Variants in GAREM1 observed in about 807,000 individuals in gnomAD.
GAREM1 encodes the protein GRB2-associated and regulator of MAPK protein 1.
A neutral mutation model predicts 71.3 loss-of-function variants in GAREM1; 26 were observed. The observed-to-expected ratio is 0.36, with a 90% CI of 0.27 to 0.51. The LOEUF is 0.51. Among genes scored for constraint, GAREM1 ranks in the 20% least tolerant of loss-of-function variants. The pLI, the probability that GAREM1 is intolerant of heterozygous loss-of-function variation, is 0.95. For synonymous variants in GAREM1, 440 were observed against 433.2 expected (o/e 1.02, Z -0.20); for missense variants, 1,026 against 1,103.1 (o/e 0.93, Z 0.99).
intron 2 of GAREM1, among the ~76,000 whole-genome samples, chr18:32,377,000 C>T (rs949684110): frequency 2.6e-5 from 4 of 152,096 alleles, no homozygotes; most frequent in African/African-American, 9.7e-5. Context: ...TTATTTAATC[C>T]TCATGACAGA....
intron 2 of GAREM1, among the ~76,000 whole-genome samples, chr18:32,356,549 T>C (rs905544103): frequency 6.6e-6 from 1 of 152,202 alleles, no homozygotes; most frequent in African/African-American, 2.4e-5. Flanking sequence ...AAATACATAA[T>C]AATAACAAAC....
chr18:32,411,175 T>G (rs922656615), intron 1 of GAREM1, among the ~76,000 whole-genome samples: 1 of 152,214 alleles, frequency 6.6e-6, no homozygotes, highest in Non-Finnish European at 1.5e-5. Context: ...TAATTCAGCT[T>G]CTGTGTCTAA....
At chr18:32,447,793 GT>G (rs1009156423) in intron 1 of GAREM1, among the ~76,000 whole-genome samples, 8 of 152,024 alleles carry the variant, frequency 5.3e-5, no homozygotes, top group African/African-American at 1.9e-4. Context: ...CACAAAATTG[GT>G]TTTATTTCTA....
chr18:32,469,937 A>C (rs1486210282), intron 1 of GAREM1, among the ~76,000 whole-genome samples: 1 of 152,146 alleles, frequency 6.6e-6, no homozygotes, highest in Non-Finnish European at 1.5e-5. Context: ...CCCGGAGCAC[A>C]ATGATATTCT....
chr18:32,458,800 T>G (rs1316996662), intron 1 of GAREM1, among the ~76,000 whole-genome samples: 1 of 152,072 alleles, frequency 6.6e-6, no homozygotes, highest in Admixed American at 6.6e-5. Context: ...AACTATGATA[T>G]TCAATGATAT....
chr18:32,272,306 TAA>T (rs2041474120), intron 4 of GAREM1, among the ~76,000 whole-genome samples: 1 of 152,138 alleles, frequency 6.6e-6, no homozygotes, highest in Non-Finnish European at 1.5e-5. Flanking sequence ...GGAAGCAATT[TAA>T]AAAGTCTTAT....
At chr18:32,301,662 A>C (rs1183136427) in intron 3 of GAREM1, among the ~76,000 whole-genome samples, 2 of 152,206 alleles carry the variant, frequency 1.3e-5, no homozygotes, top group African/African-American at 4.8e-5. Context: ...TTCATTTGCT[A>C]TATGGACCTG....
chr18:32,395,170 T>G (rs1599016369), intron 1 of GAREM1, among the ~76,000 whole-genome samples: 1 of 152,314 alleles, frequency 6.6e-6, no homozygotes, highest in South Asian at 2.1e-4. Context: ...GGGGTCTCTC[T>G]CCATCTCTCT....
At chr18:32,420,852 G>A (rs1388639732) in intron 1 of GAREM1, among the ~76,000 whole-genome samples, 2 of 152,124 alleles carry the variant, frequency 1.3e-5, no homozygotes, top group African/African-American at 2.4e-5. Context: ...CTCTGCCGTG[G>A]CTCTGTCTTC....
At chr18:32,327,904 C>T (rs1256424838) in intron 2 of GAREM1, among the ~76,000 whole-genome samples, 1 of 152,098 alleles carries the variant, frequency 6.6e-6, no homozygotes, top group African/African-American at 2.4e-5. Flanking sequence ...GGGACTGTTA[C>T]AGGGATTAAA....
chr18:32,324,359 T>C (rs1476381261), intron 2 of GAREM1, among the ~76,000 whole-genome samples: 5 of 152,236 alleles, frequency 3.3e-5, no homozygotes, highest in Non-Finnish European at 7.3e-5. Context: ...CTTGGCTTAT[T>C]TGCTCCCTTT....
intron 2 of GAREM1, among the ~76,000 whole-genome samples, chr18:32,319,718 T>C (rs189981187): frequency 6.6e-6 from 1 of 152,342 alleles, no homozygotes; most frequent in African/African-American, 2.4e-5. Flanking sequence ...GCAGCTGCTA[T>C]ATAGTCTCTT....
chr18:32,287,297 G>A lies in GAREM1; in HGVS notation c.1300C>T (p.Leu434Phe), dbSNP rs781609269. 1.9e-6 allele frequency: 3 copies of A among 1,614,060 alleles called. No homozygotes were observed. The African/African-American group carries it at 4.0e-5, about 22-fold the overall frequency. ...QDSGDSGSDY[L>F]FPEASEESAG... ...GATTCTTCACTAGCTTCTGGGAAAAGGTAGTCGCTCCCACTATCTCCAGAG... is the reference window on the plus strand; with the variant it reads ...GATTCTTCACTAGCTTCTGGGAAAAAGTAGTCGCTCCCACTATCTCCAGAG... The change falls in exon 4 of 6, where the codon CTT becomes TTT. Residue 434 changes from leucine to phenylalanine, a missense_variant. By Grantham distance (22) the Leu-to-Phe change is conservative. This residue lies in a region of GAREM1 where 636 missense variants were observed against 631.2 expected (regional missense o/e 1.01). Transcript: ENST00000269209. The surrounding 1 kb of genome is among the most constrained non-coding windows in gnomAD (Gnocchi z 5.9).
In GAREM1 at chr18:32,287,816, C is replaced by A; in HGVS notation, c.781G>T (p.Asp261Tyr). ...TGCCCCTCACGGATGAAGTGGAGGT[C>A]GTATGGGTTTCTCGGTGGAGGGCTT... ...VPSPPPRNPY[D>Y]LHFIREGHRY... is the part of the protein sequence containing the mutation. The change falls in exon 4 of 6, where the codon GAC (aspartate) becomes TAC (tyrosine). Residue 261 changes from aspartate to tyrosine, a missense_variant. Around this residue, in one of 3 missense-constraint regions of GAREM1, gnomAD observed 218 missense variants for 296.8 expected, o/e 0.73. Coordinates refer to ENST00000269209, the MANE Select transcript of GAREM1 (RefSeq NM_001242409.2). This position sits in a 1 kb window ranked among gnomAD's most constrained non-coding sequence, Gnocchi z 5.9. 6.2e-7 allele frequency: 1 copy of A among 1,613,572 alleles called. No homozygotes were observed.
intron 1 of GAREM1, among the ~76,000 whole-genome samples, chr18:32,437,588 C>T (rs974559407): frequency 3.0e-4 from 46 of 152,060 alleles, no homozygotes; most frequent in African/African-American, 1.0e-3. Context: ...GGACAATGAA[C>T]AGCAAGGATG....
chr18:32,463,009 A>C (rs1431328170), intron 1 of GAREM1, among the ~76,000 whole-genome samples: 1 of 152,136 alleles, frequency 6.6e-6, no homozygotes, highest in African/African-American at 2.4e-5. Context: ...CCTACTGCAC[A>C]GTGGGGTGAC....
At chr18:32,339,836 C>A (rs147898062) in intron 2 of GAREM1, among the ~76,000 whole-genome samples, 110 of 152,364 alleles carry the variant, frequency 7.2e-4, no homozygotes, top group African/African-American at 2.5e-3. Flanking sequence ...ATCCACTCCA[C>A]ACATAGTACC....
At chr18:32,427,615 C>T (rs187528659) in intron 1 of GAREM1, among the ~76,000 whole-genome samples, 90 of 152,270 alleles carry the variant, frequency 5.9e-4, no homozygotes, top group African/African-American at 2.0e-3. Flanking sequence ...AATTTTTCCT[C>T]CAAGGGACTG....
chr18:32,340,830 T>C (rs985713680), intron 2 of GAREM1, among the ~76,000 whole-genome samples: 4 of 152,194 alleles, frequency 2.6e-5, no homozygotes, highest in Admixed American at 2.0e-4. Context: ...AGGAGTCTAG[T>C]CCTAGAGCCC....
Sources: gnomAD v4.1 joint callset for allele counts (sites outside exome capture counted in the v4.1 genomes callset) on GRCh38, gnomAD v4.1.1 for gene constraint, gnomAD v4.1.1 regional missense constraint, Gnocchi (gnomAD v3.1) non-coding constraint, MANE v1.5 for transcripts, NCBI Gene and HGNC (gene_info 2026-07-23, HGNC 2026-07-21) for gene names.